Variants in ZCCHC2 observed in about 807,000 individuals in gnomAD.
ZCCHC2 encodes zinc finger CCHC-type containing 2, also known as zinc finger CCHC domain-containing protein 2.
A neutral mutation model predicts 103.6 loss-of-function variants in ZCCHC2; 39 were observed. The observed-to-expected ratio is 0.38, with a 90% CI of 0.29 to 0.49. The LOEUF (loss-of-function observed/expected upper bound fraction) is 0.49. Ranked by LOEUF, ZCCHC2 falls within the 20% of genes least tolerant of loss-of-function variation. The pLI, the probability that ZCCHC2 is intolerant of heterozygous loss-of-function variation, is 0.96. For missense variants in ZCCHC2, 1,483 were observed against 1,491.0 expected (o/e 0.99, Z 0.09); for synonymous variants, 687 against 608.9 (o/e 1.13, Z -1.89).
chr18:62,572,124 C>G (rs1287149139), intron 12 of ZCCHC2, among the ~76,000 whole-genome samples: 1 of 152,092 alleles, frequency 6.6e-6, no homozygotes, highest in Non-Finnish European at 1.5e-5. Context: ...CTGTGTTGCC[C>G]AGGCTGGTCT....
intron 1 of ZCCHC2, among the ~76,000 whole-genome samples, chr18:62,531,791 T>TAAAAAAAA (rs11315078): frequency 5.3e-5 from 6 of 113,484 alleles, no homozygotes; most frequent in African/African-American, 1.0e-4. Context: ...CTACAAAAAG[T>TAAAAAAAA]AAAAAAAAAA....
chr18:62,526,597 C>G (rs1432690242), intron 1 of ZCCHC2, among the ~76,000 whole-genome samples: 6 of 152,196 alleles, frequency 3.9e-5, no homozygotes, highest in Non-Finnish European at 8.8e-5. Flanking sequence ...CAGTCCGGCC[C>G]AGCTGTTCTC....
At chr18:62,565,907 A>C (rs1916343364) in intron 11 of ZCCHC2, among the ~76,000 whole-genome samples, 1 of 152,208 alleles carries the variant, frequency 6.6e-6, no homozygotes, top group African/African-American at 2.4e-5. Context: ...TTGTATAGAA[A>C]GACTGAATAG....
chr18:62,572,841 G>A (rs754173719), intron 12 of ZCCHC2, among the ~76,000 whole-genome samples: 1 of 152,156 alleles, frequency 6.6e-6, no homozygotes, highest in Non-Finnish European at 1.5e-5. Context: ...CTGGTGTGAT[G>A]ATACAGATAA....
intron 12 of ZCCHC2, among the ~76,000 whole-genome samples, chr18:62,571,266 C>CTCCT (rs780108083): frequency 6.6e-6 from 1 of 152,162 alleles, no homozygotes; most frequent in Non-Finnish European, 1.5e-5. Flanking sequence ...GAAACCCATA[C>CTCCT]TCCTAATGGC....
At chr18:62,529,793 AAAT>A (rs1914604007) in intron 1 of ZCCHC2, among the ~76,000 whole-genome samples, 2 of 152,164 alleles carry the variant, frequency 1.3e-5, no homozygotes, top group Admixed American at 1.3e-4. Flanking sequence ...AAGTTGACTA[AAAT>A]ATGTCTGTGT....
chr18:62,567,245 T>C (rs1598961134), intron 11 of ZCCHC2, among the ~76,000 whole-genome samples: 2 of 152,258 alleles, frequency 1.3e-5, no homozygotes, highest in Non-Finnish European at 2.9e-5. Flanking sequence ...AAGCATTCAG[T>C]AAACTCAGTA....
At chr18:62,545,340 T>C (rs1915366799) in intron 4 of ZCCHC2, among the ~76,000 whole-genome samples, 1 of 152,164 alleles carries the variant, frequency 6.6e-6, no homozygotes, top group South Asian at 2.1e-4. Context: ...TGAGGCTTGC[T>C]TCTGCTTGGT....
At position 62,523,947 on chromosome 18, in the gene ZCCHC2, G is replaced by A; in HGVS notation, c.523G>A (p.Val175Ile). The A allele has an allele frequency of 6.6e-7, 1 of 1,520,774 alleles. No homozygotes were observed. The highest frequency in any genetic ancestry group is 8.8e-7 in the Non-Finnish European group (1 of 1,138,348). The allele number at this position is 1,520,774 out of a possible 1,614,324, so 94.2% of individuals were successfully genotyped here. Reference sequence around the variant, plus strand: ...GCCCGCGGTGCGCTCGCGCCTCATCGTCTACCTGGCGCTGCTGGGCTCGGA... The same window carrying A: ...GCCCGCGGTGCGCTCGCGCCTCATCATCTACCTGGCGCTGCTGGGCTCGGA... ...REPAVRSRLI[V>I]YLALLGSENR... The change falls in exon 1 of 14, where the codon GTC (valine) becomes ATC (isoleucine). Residue 175 changes from valine (V) to isoleucine (I), a missense_variant. This residue lies in a region of ZCCHC2 where 568 missense variants were observed against 525.1 expected (regional missense o/e 1.08). Coordinates refer to ENST00000269499, the MANE Select transcript of ZCCHC2 (RefSeq NM_017742.6).
intron 5 of ZCCHC2, among the ~76,000 whole-genome samples, chr18:62,553,958 C>G (rs1915775039): frequency 6.6e-6 from 1 of 152,154 alleles, no homozygotes; most frequent in Non-Finnish European, 1.5e-5. Flanking sequence ...CTTTTCTCTT[C>G]TGGTTTCAGG....
chr18:62,528,872 A>AT (rs1330390677), intron 1 of ZCCHC2, among the ~76,000 whole-genome samples: 1 of 152,042 alleles, frequency 6.6e-6, no homozygotes, highest in Non-Finnish European at 1.5e-5. Context: ...AAAAAAGATG[A>AT]TTTTTTGGCC....
In ZCCHC2 at chr18:62,574,869, A is replaced by G. The variant is rs1306680585; in HGVS notation, c.2788A>G (p.Ser930Gly). Reference protein sequence around the residue: ...GSPLAAGVLPSQNSSVLSTAA... With the variant: ...GSPLAAGVLPGQNSSVLSTAA... The stretch of plus-strand genomic sequence containing the variant: ...TCCCCTTGCTGCCGGCGTGTTACCC[A>G]GCCAGAACTCCAGTGTGCTCAGCAC... Residue 930 changes from serine (S) to glycine (G), a missense_variant, in exon 13 of 14, where the codon AGC becomes GGC. Physicochemically the swap from Ser to Gly is moderately conservative, Grantham distance 56 (BLOSUM62 0). Transcript: ENST00000269499. The G allele has an allele frequency of 7.4e-6, 12 of 1,613,746 alleles. 1 individual carries two copies. Among genetic ancestry groups the G allele is most frequent in the Middle Eastern group, 1.6e-4 (1 of 6,084 alleles).
chr18:62,577,399 G>A lies in ZCCHC2; in HGVS notation c.*820G>A, dbSNP rs530308885. 6.6e-6 allele frequency: 1 copy of A among 152,142 alleles called. No individual in the cohort carries two copies. Among genetic ancestry groups the A allele is most frequent in the Non-Finnish European group, 1.5e-5 (1 of 68,040 alleles). The allele number at this position is 152,142 out of a possible 1,614,324, so 9.4% of individuals were successfully genotyped here. A position where few individuals can be genotyped will look rare whatever the true frequency, so the allele number is the denominator to read the frequency against. On this transcript the variant is annotated 3_prime_UTR_variant, in exon 14 of 14. Transcript: ENST00000269499. ...AAGTGAACACACTGGTGTGAATGTC[G>A]CTCTCTGTGTGCTTGTGTTTGTAAT...
At chr18:62,528,688 C>T (rs1396226793) in intron 1 of ZCCHC2, among the ~76,000 whole-genome samples, 3 of 151,914 alleles carry the variant, frequency 2.0e-5, no homozygotes, top group African/African-American at 7.3e-5. Context: ...ATTAACTTCG[C>T]AATATAGGAA....
intron 1 of ZCCHC2, among the ~76,000 whole-genome samples, chr18:62,527,977 AT>A (rs1257324811): frequency 4.6e-5 from 7 of 152,214 alleles, no homozygotes; most frequent in African/African-American, 1.7e-4. Flanking sequence ...GGGTATTCTC[AT>A]TTTGGAGGTT....
chr18:62,575,877 T>C (rs1249110121), intron 13 of ZCCHC2, among the ~76,000 whole-genome samples: 1 of 152,152 alleles, frequency 6.6e-6, no homozygotes, highest in Non-Finnish European at 1.5e-5. Flanking sequence ...ACAATCCTGT[T>C]TCATAGAGTA....
chr18:62,580,069 GCTC>G (rs1917001980), downstream of ZCCHC2, among the ~76,000 whole-genome samples: 1 of 152,134 alleles, frequency 6.6e-6, no homozygotes, highest in African/African-American at 2.4e-5. Context: ...CCCACACACT[GCTC>G]CTAAATATAC....
At chr18:62,568,275 T>C (rs1190851023) in intron 11 of ZCCHC2, among the ~76,000 whole-genome samples, 5 of 152,204 alleles carry the variant, frequency 3.3e-5, no homozygotes, top group Admixed American at 6.5e-5. Context: ...CCTTTATCAT[T>C]TGAGACATGA....
chr18:62,566,164 G>A (rs1283398371), intron 11 of ZCCHC2, among the ~76,000 whole-genome samples: 19 of 152,226 alleles, frequency 1.2e-4, no homozygotes. Context: ...AGAGTCGCTT[G>A]AACCCGGGAG....
Sources: gnomAD v4.1 joint callset for allele counts (sites outside exome capture counted in the v4.1 genomes callset) on GRCh38, gnomAD v4.1.1 for gene constraint, gnomAD v4.1.1 regional missense constraint, MANE v1.5 for transcripts, NCBI Gene and HGNC (gene_info 2026-07-23, HGNC 2026-07-21) for gene names.